THADA: variants seen among roughly 807,000 people sequenced by gnomAD.
The protein encoded by THADA is tRNA (32-2'-O)-methyltransferase regulator THADA.
THADA carries 213 observed loss-of-function variants against 219.8 expected under a neutral mutation model. The ratio of observed to expected loss-of-function variants is 0.97; its 90% CI spans 0.87 to 1.09. The LOEUF is 1.09. THADA is among the 50% of genes least tolerant of loss of function. THADA has a pLI of 0.00. For missense variants in THADA, 2,956 were observed against 2,311.3 expected, an observed-to-expected ratio of 1.28 and a Z score of -5.72; for synonymous variants, 1,018 against 828.9, an observed-to-expected ratio of 1.23 and a Z score of -3.92.
chr2:43,409,948 T>C (rs1365311409), intron 28 of THADA, among the ~76,000 whole-genome samples: 1 of 150,920 alleles, frequency 6.6e-6, no homozygotes, highest in African/African-American at 2.4e-5. Flanking sequence ...GCCTAGGAGG[T>C]TGAGGCTACA....
chr2:43,499,995 C>T (rs1192348229), intron 24 of THADA, among the ~76,000 whole-genome samples: 1 of 151,954 alleles, frequency 6.6e-6, no homozygotes, highest in Non-Finnish European at 1.5e-5. Context: ...AAAGCTGATT[C>T]TCTGAAACAG....
At chr2:43,445,291 A>G (rs1681375153) in intron 26 of THADA, among the ~76,000 whole-genome samples, 1 of 152,250 alleles carries the variant, frequency 6.6e-6, no homozygotes, top group Non-Finnish European at 1.5e-5. Flanking sequence ...GAAACAACTA[A>G]TAAAAAGAAA....
intron 29 of THADA, among the ~76,000 whole-genome samples, chr2:43,369,602 C>T (rs1670568612): frequency 6.6e-6 from 1 of 152,170 alleles, no homozygotes. Flanking sequence ...AGTTAGGTTG[C>T]TCATTAAGAA....
intron 26 of THADA, among the ~76,000 whole-genome samples, chr2:43,470,752 G>A (rs1379366286): frequency 1.3e-5 from 2 of 152,152 alleles, no homozygotes; most frequent in Non-Finnish European, 2.9e-5. Context: ...GAACAAAAGT[G>A]AAACAGATAG....
chr2:43,590,757 G>A (rs1182754670), intron 4 of THADA, 67 bp downstream of exon 4: 8 of 1,544,522 alleles, frequency 5.2e-6, no homozygotes, highest in Non-Finnish European at 7.1e-6. Flanking sequence ...ACCAAGGAAG[G>A]AACTTCAGTT....
intron 26 of THADA, among the ~76,000 whole-genome samples, chr2:43,481,748 A>G (rs1419761046): frequency 2.0e-5 from 3 of 152,214 alleles, no homozygotes; most frequent in Non-Finnish European, 4.4e-5. Context: ...TGAGTTCATG[A>G]TAAGTGCTTT....
Position 43,495,915 on chromosome 2 carries a change from T to C in THADA, c.3744+2918A>G, listed in dbSNP as rs367862318. 5.3e-5 allele frequency among the ~76,000 whole-genome samples: 8 copies of C among 152,334 alleles called. No homozygotes were observed. The East Asian group carries it at 5.8e-4, about 11-fold the overall frequency. On this transcript the variant is annotated intron_variant, in intron 25 of 37. Coordinates refer to ENST00000405975, the MANE Select transcript of THADA (RefSeq NM_022065.5). ...AACTCTGTGTCCTCAAGAGTAGTTA[T>C]GCAATGCTCTTAGACAGAATTCCAG...
intron 28 of THADA, among the ~76,000 whole-genome samples, chr2:43,401,146 T>C (rs924785001): frequency 6.6e-6 from 1 of 152,198 alleles, no homozygotes; most frequent in Non-Finnish European, 1.5e-5. Context: ...CTCCACAGAA[T>C]CTGCAAGGTA....
intron 29 of THADA, among the ~76,000 whole-genome samples, chr2:43,381,899 T>G (rs970884700): frequency 5.9e-5 from 9 of 152,158 alleles, no homozygotes; most frequent in South Asian, 2.1e-4. Context: ...TAAGTCATAT[T>G]GATAGCATGT....
intron 9 of THADA, 141 bp from the exon 10 acceptor site, chr2:43,577,383 G>T: frequency 1.5e-6 from 1 of 685,334 alleles, no homozygotes; most frequent in Non-Finnish European, 2.4e-6. Context: ...ACCCACAAAT[G>T]TCATGATTAT....
chr2:43,429,107 G>GT lies in THADA; in HGVS notation c.3927-877dup, dbSNP rs1207625930. 1.2e-3 allele frequency among the ~76,000 whole-genome samples: 169 copies of GT among 146,358 alleles called. 1 individual carries two copies. The highest frequency in any genetic ancestry group is 4.0e-3 in the African/African-American group (161 of 40,210). Reference sequence around the variant, plus strand: ...ACTACCAGCTTCAGAATGTGTGTGTGTTTTTTTTTTCTTTTTTTGAGACGG... The same window carrying GT: ...ACTACCAGCTTCAGAATGTGTGTGTGTTTTTTTTTTTCTTTTTTTGAGACGG... On this transcript the variant is annotated intron_variant, in intron 27 of 37. Coordinates refer to ENST00000405975, the MANE Select transcript of THADA (RefSeq NM_022065.5).
At chr2:43,536,519 C>T (rs933867123) in intron 21 of THADA, among the ~76,000 whole-genome samples, 1 of 152,068 alleles carries the variant, frequency 6.6e-6, no homozygotes, top group East Asian at 1.9e-4. Context: ...AATCACTTGT[C>T]TTTTTAAAAT....
chr2:43,271,786 T>G (rs1268993097), intron 36 of THADA, among the ~76,000 whole-genome samples: 2 of 151,930 alleles, frequency 1.3e-5, no homozygotes, highest in Non-Finnish European at 2.9e-5. Flanking sequence ...AGCTAATTTT[T>G]GTATTTTTAG....
chr2:43,514,722 T>G (rs1277747623), intron 22 of THADA, among the ~76,000 whole-genome samples: 2 of 86,946 alleles, frequency 2.3e-5, no homozygotes, highest in Non-Finnish European at 3.9e-5. Context: ...AAATATATAT[T>G]ATATATAATA....
intron 26 of THADA, among the ~76,000 whole-genome samples, chr2:43,466,609 G>T (rs574869066): frequency 7.2e-5 from 11 of 152,224 alleles, no homozygotes; most frequent in African/African-American, 2.6e-4. Context: ...GCACATAGCA[G>T]CAGGTCAATA....
chr2:43,406,932 G>A (rs1412910625), intron 28 of THADA, among the ~76,000 whole-genome samples: 3 of 152,120 alleles, frequency 2.0e-5, no homozygotes, highest in Non-Finnish European at 2.9e-5. Context: ...CCTCCCAATC[G>A]CAAAACCCTT....
chr2:43,379,467 C>T (rs1348422388), intron 29 of THADA, among the ~76,000 whole-genome samples: 4 of 152,126 alleles, frequency 2.6e-5, no homozygotes, highest in African/African-American at 4.8e-5. Context: ...TACTAAAAGA[C>T]AAGAACTATA....
intron 36 of THADA, among the ~76,000 whole-genome samples, chr2:43,248,180 G>T (rs1367857057): frequency 1.4e-3 from 136 of 96,996 alleles, no homozygotes; most frequent in African/African-American, 2.2e-3. Context: ...GAGAGAGAGA[G>T]AGAGAGAGAG....
At chr2:43,305,173 A>G (rs150704946) in intron 31 of THADA, among the ~76,000 whole-genome samples, 1 of 152,292 alleles carries the variant, frequency 6.6e-6, no homozygotes, top group African/African-American at 2.4e-5. Context: ...CGTTAAAAAA[A>G]TTATATTTGT....
Sources: allele counts gnomAD v4.1 joint callset (sites outside exome capture counted in the v4.1 genomes callset), GRCh38; gene constraint gnomAD v4.1.1; transcripts MANE v1.5; gene names NCBI Gene and HGNC (gene_info 2026-07-23, HGNC 2026-07-21).